CBX7: variants seen among roughly 807,000 people sequenced by gnomAD.
CBX7 encodes chromobox 7, also known as chromobox protein homolog 7.
Under a neutral mutation model 31.4 loss-of-function variants are expected in CBX7, and 14 were observed. That is an observed-to-expected ratio of 0.45 (90% CI 0.29 to 0.70). The LOEUF (loss-of-function observed/expected upper bound fraction) is 0.70. Among genes scored for constraint, CBX7 ranks in the 30% least tolerant of loss-of-function variants. The pLI is 0.11. For synonymous variants in CBX7, 159 were observed against 152.6 expected, an observed-to-expected ratio of 1.04 and a Z score of -0.31; for missense variants, 269 against 351.9, an observed-to-expected ratio of 0.76 and a Z score of 1.89.
Position 39,149,846 on chromosome 22 carries a change from G to C in CBX7, c.70-14C>G, listed in dbSNP as rs746862021. The stretch of plus-strand genomic sequence containing the variant: ...CTCGACTTTACCCTGAGAAGAGAGA[G>C]AAGCAGACACAGTGAGTCTCGTGGT... On this transcript the variant is annotated splice_polypyrimidine_tract_variant and intron_variant, in intron 1 of 5. Transcript: ENST00000216133. The C allele has an allele frequency of 1.2e-6, 2 of 1,613,316 alleles. No individual in the cohort carries two copies. The highest frequency in any genetic ancestry group is 3.3e-5 in the Admixed American group (2 of 60,010).
At chr22:39,142,873 G>A (rs1930509283) in intron 2 of CBX7, among the ~76,000 whole-genome samples, 1 of 152,134 alleles carries the variant, frequency 6.6e-6, no homozygotes, top group Non-Finnish European at 1.5e-5. Context: ...GTGACGTCTT[G>A]ATGATCCTGA....
chr22:39,145,834 C>G (rs1339452529), intron 2 of CBX7, among the ~76,000 whole-genome samples: 3 of 151,824 alleles, frequency 2.0e-5, no homozygotes, highest in South Asian at 2.1e-4. Flanking sequence ...GGCCGCCCAG[C>G]CAAAGCCCCG....
At chr22:39,134,839 G>A in intron 4 of CBX7, 87 bp from the exon 5 acceptor site, 2 of 839,342 alleles carry the variant, frequency 2.4e-6, no homozygotes, top group Non-Finnish European at 3.5e-6. Context: ...CACCCGGAAT[G>A]CCCTTCCCAT....
chr22:39,134,554 G>C lies in CBX7; in HGVS notation c.445C>G (p.Leu149Val), dbSNP rs1016257333. The C allele has an allele frequency of 6.8e-6, 11 of 1,608,716 alleles. No homozygotes were observed. Among genetic ancestry groups the C allele is most frequent in the Non-Finnish European group, 9.3e-6 (11 of 1,178,076 alleles). Reference sequence around the variant, plus strand: ...GGGAACTTCTTGCGCGAGAGCCGCAGGTACTTGTGGGCCTTTCGGGGCTTG... The same window carrying C: ...GGGAACTTCTTGCGCGAGAGCCGCACGTACTTGTGGGCCTTTCGGGGCTTG... ...LRKPRKAHKYLRLSRKKFPPR... is the reference protein window; with the variant it reads ...LRKPRKAHKYVRLSRKKFPPR... Residue 149 changes from leucine (L) to valine (V), a missense_variant, in exon 5 of 6, where the codon CTG becomes GTG. Around this residue, in one of 2 missense-constraint regions of CBX7, gnomAD observed 222 missense variants for 240.4 expected, o/e 0.92. Transcript: ENST00000216133.
At chr22:39,138,079 G>A (rs983717744) in intron 4 of CBX7, among the ~76,000 whole-genome samples, 2 of 151,956 alleles carry the variant, frequency 1.3e-5, no homozygotes, top group East Asian at 1.9e-4. Context: ...TACTGGGGAG[G>A]CTGAGGCAGG....
Position 39,152,444 on chromosome 22 carries a change from T to TGCGGGGCGGCGGGCGA in CBX7, c.-16_-1dup. The TGCGGGGCGGCGGGCGA allele has an allele frequency of 8.2e-7, 1 of 1,226,658 alleles. No individual in the cohort carries two copies. Among genetic ancestry groups the TGCGGGGCGGCGGGCGA allele is most frequent in the Non-Finnish European group, 1.0e-6 (1 of 974,284 alleles). 76.0% of individuals were successfully genotyped at this position (1,226,658 alleles called of 1,614,324 possible). ...TGCTCGCCGATGGCTGACAGCTCCA[T>TGCGGGGCGGCGGGCGA]GCGGGGCGGCGGGCGAGCGGGCCCG... On this transcript the variant is annotated 5_prime_UTR_variant, in exon 1 of 6. Coordinates refer to ENST00000216133, the MANE Select transcript of CBX7 (RefSeq NM_175709.5). The surrounding 1 kb of genome is among the most constrained non-coding windows in gnomAD (Gnocchi z 4.9).
intron 2 of CBX7, among the ~76,000 whole-genome samples, chr22:39,141,794 C>A (rs1205146662): frequency 6.6e-6 from 1 of 151,832 alleles, no homozygotes; most frequent in Non-Finnish European, 1.5e-5. Context: ...GCAGGTGCAC[C>A]AGCAGAGGCC....
intron 4 of CBX7, 123 bp downstream of exon 4, chr22:39,138,513 C>A: frequency 1.1e-6 from 1 of 910,534 alleles, no homozygotes; most frequent in Non-Finnish European, 1.8e-6. Context: ...CCCACAGTGC[C>A]CTGGGTGGTA....
In CBX7 at chr22:39,152,532, G is replaced by A; in HGVS notation, c.-88C>T. On this transcript the variant is annotated 5_prime_UTR_variant, in exon 1 of 6. Transcript: ENST00000216133. The surrounding 1 kb of genome is among the most constrained non-coding windows in gnomAD (Gnocchi z 4.9). ...GGCTGCGGCGCGCGATGCTGGGGCTGGCGGGGTCCCCGTCACCCTCGTCCG... is the reference window on the plus strand; with the variant it reads ...GGCTGCGGCGCGCGATGCTGGGGCTAGCGGGGTCCCCGTCACCCTCGTCCG... The A allele has an allele frequency of 1.8e-6, 1 of 546,302 alleles. No homozygotes were observed. Among genetic ancestry groups the A allele is most frequent in the South Asian group, 7.5e-5 (1 of 13,416 alleles). 33.8% of individuals were successfully genotyped at this position (546,302 alleles called of 1,614,324 possible). A position where few individuals can be genotyped will look rare whatever the true frequency, so the allele number is the denominator to read the frequency against.
chr22:39,143,399 G>A (rs1930529499), intron 2 of CBX7, among the ~76,000 whole-genome samples: 1 of 152,018 alleles, frequency 6.6e-6, no homozygotes, highest in South Asian at 2.1e-4. Context: ...TATGTTTTAA[G>A]CTAAGTGTTA....
intron 2 of CBX7, among the ~76,000 whole-genome samples, chr22:39,145,056 G>A (rs2146365964): frequency 6.6e-6 from 1 of 152,262 alleles, no homozygotes; most frequent in East Asian, 1.9e-4. Flanking sequence ...CGCGGGAGGG[G>A]GCGTCGCCCC....
In CBX7 at chr22:39,152,294, T is replaced by A; in HGVS notation, c.69+82A>T. 1 of 936,010 alleles carries A rather than the reference T, an allele frequency of 1.1e-6. No homozygotes were observed. Among genetic ancestry groups the A allele is most frequent in the Non-Finnish European group, 1.4e-6 (1 of 717,782 alleles). The allele number at this position is 936,010 out of a possible 1,614,324, so 58.0% of individuals were successfully genotyped here. A position where few individuals can be genotyped will look rare whatever the true frequency, so the allele number is the denominator to read the frequency against. Reference sequence around the variant, plus strand: ...GGGCCCCCGCGCCCCGCTTTCCCCTTCAGCCCCAGCGTGGAGGGAGCGGTG... The same window carrying A: ...GGGCCCCCGCGCCCCGCTTTCCCCTACAGCCCCAGCGTGGAGGGAGCGGTG... On this transcript the variant is annotated intron_variant, in intron 1 of 5. Transcript: ENST00000216133. This position sits in a 1 kb window ranked among gnomAD's most constrained non-coding sequence, Gnocchi z 4.9.
intron 3 of CBX7, 100 bp from the exon 4 acceptor site, chr22:39,138,802 G>C (rs1296552580): frequency 6.4e-6 from 7 of 1,092,400 alleles, no homozygotes; most frequent in Non-Finnish European, 9.8e-6. Context: ...CTGTCAGGGA[G>C]GGGACACTCC....
chr22:39,138,097 C>T (rs966245133), intron 4 of CBX7, among the ~76,000 whole-genome samples: 40 of 149,292 alleles, frequency 2.7e-4, no homozygotes, highest in Non-Finnish European at 4.1e-4. Context: ...AGGAGAATGG[C>T]GTGAACCCGG....
chr22:39,138,149 C>G (rs1234573722), intron 4 of CBX7, among the ~76,000 whole-genome samples: 1 of 148,930 alleles, frequency 6.7e-6, no homozygotes, highest in African/African-American at 2.5e-5. Context: ...CGCCACTGCA[C>G]TCCAGCCTGA....
chr22:39,138,827 A>C, intron 3 of CBX7, 125 bp from the exon 4 acceptor site: 1 of 835,378 alleles, frequency 1.2e-6, no homozygotes, highest in Non-Finnish European at 2.0e-6. Flanking sequence ...AGGCCTGCCC[A>C]CCAATCCTCC....
intron 2 of CBX7, among the ~76,000 whole-genome samples, chr22:39,142,550 C>T (rs548193302): frequency 4.5e-4 from 69 of 152,366 alleles, no homozygotes; most frequent in Admixed American, 2.0e-3. Flanking sequence ...GTCAGCGCAG[C>T]GGCTCCAGAG....
intron 2 of CBX7, among the ~76,000 whole-genome samples, chr22:39,146,704 A>C (rs1169849805): frequency 6.6e-6 from 1 of 152,238 alleles, no homozygotes; most frequent in African/African-American, 2.4e-5. Flanking sequence ...TGGTTCAAAG[A>C]GTCAATGCCT....
intron 3 of CBX7, among the ~76,000 whole-genome samples, chr22:39,140,497 G>T (rs1601560163): frequency 6.6e-6 from 1 of 152,356 alleles, no homozygotes; most frequent in South Asian, 2.1e-4. Flanking sequence ...GGAGCCAGAA[G>T]AACCCAGCAG....
Sources: gnomAD v4.1 joint callset for allele counts (sites outside exome capture counted in the v4.1 genomes callset) on GRCh38, gnomAD v4.1.1 for gene constraint, gnomAD v4.1.1 regional missense constraint, Gnocchi (gnomAD v3.1) non-coding constraint, MANE v1.5 for transcripts, NCBI Gene and HGNC (gene_info 2026-07-23, HGNC 2026-07-21) for gene names.